DCPH1: variants seen among roughly 807,000 people sequenced by gnomAD.
The protein encoded by DCPH1 is damage control phosphatase 1, also known as damage-control phosphatase 1.
the DCPH1 span, chr6:151,452,568 T>A: frequency 3.1e-5 from 50 of 1,611,596 alleles, no homozygotes; most frequent in Non-Finnish European, 3.8e-5. Flanking sequence ...CCGGCGTCTC[T>A]CTCAGGACAG....
the DCPH1 span, chr6:151,464,401 T>C: frequency 5.9e-6 from 8 of 1,345,080 alleles, no homozygotes; most frequent in African/African-American, 1.2e-4. Flanking sequence ...AGAACTGCAG[T>C]TATCCAAATG....
chr6:151,467,939 C>T, the DCPH1 span, among the ~76,000 whole-genome samples: 1 of 152,176 alleles, frequency 6.6e-6, no homozygotes, highest in Non-Finnish European at 1.5e-5. Context: ...CTGGACAGTT[C>T]TGCAGGGCCA....
the DCPH1 span, among the ~76,000 whole-genome samples, chr6:151,455,820 AT>A: frequency 6.6e-6 from 1 of 152,232 alleles, no homozygotes; most frequent in Non-Finnish European, 1.5e-5. Context: ...ATTTCAGACT[AT>A]CACATGGGGA....
the DCPH1 span, chr6:151,458,632 T>C: frequency 7.0e-7 from 1 of 1,423,142 alleles, no homozygotes; most frequent in Non-Finnish European, 9.6e-7. Context: ...TCTGAAATTG[T>C]AAAAGGATAA....
chr6:151,469,578 ACT>A, the DCPH1 span: 1 of 152,924 alleles, frequency 6.5e-6, no homozygotes, highest in African/African-American at 2.4e-5. Context: ...CATCTTAATG[ACT>A]CTTTGTAAAG....
the DCPH1 span, among the ~76,000 whole-genome samples, chr6:151,461,623 A>G: frequency 6.6e-5 from 10 of 152,306 alleles, no homozygotes; most frequent in Non-Finnish European, 1.3e-4. Flanking sequence ...GTGAGCCGAG[A>G]TTGTGCCGTT....
At chr6:151,468,724 A>C in the DCPH1 span, 7 of 1,614,208 alleles carry the variant, frequency 4.3e-6, no homozygotes, top group Non-Finnish European at 5.1e-6. Flanking sequence ...GTGGATGTCC[A>C]AGTGTGGGGC....
the DCPH1 span, among the ~76,000 whole-genome samples, chr6:151,462,982 G>C: frequency 6.6e-6 from 1 of 152,162 alleles, no homozygotes; most frequent in East Asian, 1.9e-4. Context: ...CCATTGTCGT[G>C]TGAATGCAAC....
the DCPH1 span, among the ~76,000 whole-genome samples, chr6:151,457,670 A>G: frequency 6.6e-6 from 1 of 152,230 alleles, no homozygotes; most frequent in Admixed American, 6.5e-5. Flanking sequence ...AAATATCAAC[A>G]TGATAAAAAT....
chr6:151,452,895 T>C, the DCPH1 span: 1 of 300,316 alleles, frequency 3.3e-6, no homozygotes, highest in Non-Finnish European at 6.1e-6. Context: ...GGCGTTAAAA[T>C]TCTGCGTAAG....
At chr6:151,461,912 A>G in the DCPH1 span, among the ~76,000 whole-genome samples, 1 of 152,198 alleles carries the variant, frequency 6.6e-6, no homozygotes, top group East Asian at 1.9e-4. Flanking sequence ...TCTGTGGCAG[A>G]TAAAGAGCCA....
chr6:151,455,131 T>G, the DCPH1 span, among the ~76,000 whole-genome samples: 196 of 152,316 alleles, frequency 1.3e-3, 3 homozygotes, highest in East Asian at 0.026. Context: ...CTCATTAGCA[T>G]TCAGTGCAGA....
the DCPH1 span, among the ~76,000 whole-genome samples, chr6:151,456,934 G>C: frequency 2.6e-5 from 4 of 152,204 alleles, no homozygotes; most frequent in Non-Finnish European, 2.9e-5. Context: ...GTGACTGAAG[G>C]CAGAGTTTAT....
the DCPH1 span, among the ~76,000 whole-genome samples, chr6:151,459,036 C>G: frequency 6.6e-6 from 1 of 152,088 alleles, no homozygotes; most frequent in East Asian, 1.9e-4. Flanking sequence ...ACCTGGGAGG[C>G]TGAGGAATGG....
the DCPH1 span, among the ~76,000 whole-genome samples, chr6:151,464,916 A>G: frequency 6.6e-6 from 1 of 152,204 alleles, no homozygotes; most frequent in African/African-American, 2.4e-5. Flanking sequence ...AATTCTTAAT[A>G]GTAATTTGGT....
chr6:151,459,365 A>AC, the DCPH1 span, among the ~76,000 whole-genome samples: 1 of 152,252 alleles, frequency 6.6e-6, no homozygotes, highest in Admixed American at 6.5e-5. Context: ...CTATTGTATT[A>AC]TAGTCTTAAT....
At chr6:151,465,419 A>G in the DCPH1 span, among the ~76,000 whole-genome samples, 1 of 152,128 alleles carries the variant, frequency 6.6e-6, no homozygotes, top group Non-Finnish European at 1.5e-5. Flanking sequence ...CAGGGCTGCC[A>G]GGGAAGGGTC....
chr6:151,458,295 C>T, the DCPH1 span: 3 of 1,600,002 alleles, frequency 1.9e-6, no homozygotes, highest in Non-Finnish European at 2.6e-6. Context: ...GACACACACA[C>T]ACACACAATT....
the DCPH1 span, among the ~76,000 whole-genome samples, chr6:151,463,430 A>G: frequency 6.6e-6 from 1 of 152,208 alleles, no homozygotes; most frequent in Non-Finnish European, 1.5e-5. Context: ...TGTTTCCAAA[A>G]ATAAATTGAC....
Sources: allele counts gnomAD v4.1 joint callset (sites outside exome capture counted in the v4.1 genomes callset), GRCh38; gene constraint gnomAD v4.1.1; transcripts MANE v1.5; gene names NCBI Gene and HGNC (gene_info 2026-07-23, HGNC 2026-07-21).